FNBP4: variants seen among roughly 807,000 people sequenced by gnomAD.
FNBP4 encodes formin binding protein 4.
Under a neutral mutation model 119.3 loss-of-function variants are expected in FNBP4, and 34 were observed. The ratio of observed to expected loss-of-function variants is 0.28; its 90% CI spans 0.22 to 0.38. The LOEUF (loss-of-function observed/expected upper bound fraction) is 0.38, where lower values mean the gene tolerates loss of function less well. FNBP4 is among the 10% of genes least tolerant of loss of function. The pLI is 1.00. For synonymous variants in FNBP4, 462 were observed against 430.6 expected, an observed-to-expected ratio of 1.07 and a Z score of -0.90; for missense variants, 1,112 against 1,228.9, an observed-to-expected ratio of 0.90 and a Z score of 1.42.
chr11:47,765,374 A>AAAAAAGAAAAG lies in FNBP4; in HGVS notation c.221-13_221-12insCTTTTCTTTTT, dbSNP rs1554991224. On this transcript the variant is annotated splice_polypyrimidine_tract_variant and intron_variant, in intron 1 of 16. Coordinates refer to ENST00000263773, the MANE Select transcript of FNBP4 (RefSeq NM_015308.5). ...CGCTTCCTGTTCATCTGGATTAAAA[A>AAAAAAGAAAAG]AAAAGAAAAGAAAAGAAAAGAAAAG... The AAAAAAGAAAAG allele has an allele frequency of 2.1e-5, 22 of 1,033,488 alleles. No individual in the cohort carries two copies. Among genetic ancestry groups the AAAAAAGAAAAG allele is most frequent in the Admixed American group, 7.0e-5 (3 of 42,920 alleles). 64.0% of individuals were successfully genotyped at this position (1,033,488 alleles called of 1,614,324 possible).
intron 8 of FNBP4, among the ~76,000 whole-genome samples, chr11:47,742,890 CA>C (rs750587274): frequency 1.3e-5 from 2 of 151,728 alleles, no homozygotes; most frequent in African/African-American, 4.8e-5. Context: ...AACTCCGTCT[CA>C]AAAAATATAA....
intron 6 of FNBP4, among the ~76,000 whole-genome samples, chr11:47,747,199 C>G (rs929190456): frequency 2.0e-5 from 3 of 152,006 alleles, no homozygotes; most frequent in Non-Finnish European, 4.4e-5. Flanking sequence ...CCACTACACC[C>G]AGCTCATTTT....
intron 2 of FNBP4, among the ~76,000 whole-genome samples, chr11:47,764,324 C>T (rs889238317): frequency 1.3e-5 from 2 of 152,136 alleles, no homozygotes; most frequent in Admixed American, 6.6e-5. Flanking sequence ...TCAGGTGATC[C>T]GCCTGCCTCA....
chr11:47,733,765 T>G (rs2097570296), intron 10 of FNBP4, among the ~76,000 whole-genome samples: 2 of 152,162 alleles, frequency 1.3e-5, no homozygotes. Context: ...CTTATAATGC[T>G]TTAACACTTA....
intron 2 of FNBP4, among the ~76,000 whole-genome samples, chr11:47,756,556 T>C (rs573298528): frequency 1.4e-4 from 22 of 152,262 alleles, no homozygotes; most frequent in Admixed American, 3.9e-4. Context: ...TTTGTTGTTG[T>C]TGTTATACTT....
In FNBP4 at chr11:47,734,098, G is replaced by C; in HGVS notation, c.1613C>G (p.Thr538Arg). The C allele has an allele frequency of 6.3e-7, 1 of 1,592,866 alleles. No homozygotes were observed. The highest frequency in any genetic ancestry group is 8.5e-7 in the Non-Finnish European group (1 of 1,174,418). ...AATGCCTAGAAACTCGAATTTACTT[G>C]TCAGGGTATTTGCCAGTTCTCCAAT... ...FQIGELANTL[T>R]SKFEFLGINR... Residue 538 changes from threonine (T) to arginine (R), a missense_variant, in exon 10 of 17, where the codon ACA becomes AGA. Physicochemically the swap from Thr to Arg is moderately conservative, Grantham distance 71. Coordinates refer to ENST00000263773, the MANE Select transcript of FNBP4 (RefSeq NM_015308.5).
chr11:47,725,123 C>T (rs1385759427), intron 12 of FNBP4: 2 of 175,976 alleles, frequency 1.1e-5, no homozygotes, highest in East Asian at 3.0e-4. Context: ...AATATTACAT[C>T]AACTCAACGA....
At chr11:47,755,634 A>C (rs1380157303) in intron 2 of FNBP4, among the ~76,000 whole-genome samples, 1 of 115,618 alleles carries the variant, frequency 8.6e-6, no homozygotes, top group Admixed American at 8.1e-5. Context: ...AAAAACAAAA[A>C]CAAAAAAAAA....
chr11:47,739,900 T>C (rs1204766097), intron 8 of FNBP4, among the ~76,000 whole-genome samples: 1 of 152,124 alleles, frequency 6.6e-6, no homozygotes, highest in Non-Finnish European at 1.5e-5. Context: ...TGCCTCAGCC[T>C]CCCGAGTAGC....
At chr11:47,724,861 A>G in intron 12 of FNBP4, 83 bp from the exon 13 acceptor site, 1 of 1,489,472 alleles carries the variant, frequency 6.7e-7, no homozygotes, top group East Asian at 2.3e-5. Context: ...ACTGGTCAGT[A>G]AGATAATCAT....
At chr11:47,727,274 G>T (rs1269635510) in intron 12 of FNBP4, among the ~76,000 whole-genome samples, 2 of 137,312 alleles carry the variant, frequency 1.5e-5, no homozygotes, top group Non-Finnish European at 3.2e-5. Flanking sequence ...TTTTGTGACG[G>T]AGTCTCACTC....
At position 47,753,020 on chromosome 11, in the gene FNBP4, G is replaced by C; in HGVS notation, c.533C>G (p.Pro178Arg). The C allele has an allele frequency of 1.2e-6, 2 of 1,614,136 alleles. No homozygotes were observed. The highest frequency in any genetic ancestry group is 1.7e-6 in the Non-Finnish European group (2 of 1,180,002). Residue 178 changes from proline (P) to arginine (R), a missense_variant, in exon 4 of 17, where the codon CCA becomes CGA. Transcript: ENST00000263773. ...AAGGGTAGATGTTGCTGCTTCCTTT[G>C]GCTCTGGTCGAGGTGGAGTTGGAGG... ...APPPTPPRPE[P>R]KEAATSTLSS...
rs1453856550 is a variant in FNBP4 at position 47,716,874 on chromosome 11, G to C, written c.*548C>G. ...GCTGCCTGTATGCCACCTAGTGTGC[G>C]AAACGACCGAGCTACCAGTTCTAGA... On this transcript the variant is annotated 3_prime_UTR_variant, in exon 17 of 17. Transcript: ENST00000263773. The C allele has an allele frequency of 6.6e-6, 1 of 152,508 alleles. No homozygotes were observed. Among genetic ancestry groups the C allele is most frequent in the African/African-American group, 2.4e-5 (1 of 41,428 alleles). The allele number at this position is 152,508 out of a possible 1,614,324, so 9.4% of individuals were successfully genotyped here. A position where few individuals can be genotyped will look rare whatever the true frequency, so the allele number is the denominator to read the frequency against.
intron 3 of FNBP4, among the ~76,000 whole-genome samples, chr11:47,753,611 A>AAAAAAAAC (rs1422394658): frequency 2.7e-5 from 4 of 149,612 alleles, no homozygotes; most frequent in African/African-American, 1.0e-4. Context: ...ACTCTGTCTC[A>AAAAAAAAC]AAAAAAACAA....
rs180724654 is a variant in FNBP4, at chr11:47,734,810, T to C, written c.1582-681A>G. On this transcript the variant is annotated intron_variant, in intron 9 of 16. Coordinates refer to ENST00000263773, the MANE Select transcript of FNBP4 (RefSeq NM_015308.5). The stretch of plus-strand genomic sequence containing the variant: ...CAACATCGTGAAACCCCACCTCTAC[T>C]AAAAATACAAAAATTAGGTGAGGAT... Among the ~76,000 whole-genome samples the C allele has an allele frequency of 2.6e-3, 389 of 151,900 alleles. 2 individuals are homozygous for C. The highest frequency in any genetic ancestry group is 0.017 in the Middle Eastern group (5 of 292).
intron 12 of FNBP4, 196 bp from the exon 13 acceptor site, chr11:47,724,974 C>T (rs1419813114): frequency 1.5e-5 from 8 of 551,440 alleles, no homozygotes; most frequent in Non-Finnish European, 2.1e-5. Flanking sequence ...GGCATCTATT[C>T]TATACTGATA....
intron 4 of FNBP4, among the ~76,000 whole-genome samples, 168 bp from the exon 5 acceptor site, chr11:47,751,458 C>G (rs1453784137): frequency 6.6e-6 from 1 of 151,790 alleles, no homozygotes; most frequent in Non-Finnish European, 1.5e-5. Context: ...TTAGCAGCAC[C>G]CCTGGCCTCT....
chr11:47,747,455 A>T (rs1276085658), intron 6 of FNBP4, among the ~76,000 whole-genome samples: 2 of 151,574 alleles, frequency 1.3e-5, no homozygotes, highest in Non-Finnish European at 2.9e-5. Flanking sequence ...TGATCCGCCC[A>T]CCTTGGCAAC....
intron 9 of FNBP4, among the ~76,000 whole-genome samples, chr11:47,735,100 T>C (rs1360298213): frequency 2.7e-5 from 4 of 150,312 alleles, no homozygotes; most frequent in Non-Finnish European, 5.9e-5. Flanking sequence ...ACAAGACAAC[T>C]CTCCAAGGTA....
Sources: gnomAD v4.1 joint callset for allele counts (sites outside exome capture counted in the v4.1 genomes callset) on GRCh38, gnomAD v4.1.1 for gene constraint, MANE v1.5 for transcripts, NCBI Gene and HGNC (gene_info 2026-07-23, HGNC 2026-07-21) for gene names.